FNBP1L: variants seen among roughly 807,000 people sequenced by gnomAD.
The protein encoded by FNBP1L is formin-binding protein 1-like.
FNBP1L carries 36 observed loss-of-function variants against 91.2 expected under a neutral mutation model. The observed-to-expected ratio is 0.39, with a 90% CI of 0.30 to 0.52. FNBP1L has a LOEUF of 0.52. FNBP1L is among the 20% of genes least tolerant of loss of function. The pLI is 0.66. For missense variants in FNBP1L, 571 were observed against 732.1 expected (o/e 0.78, Z 2.54); for synonymous variants, 242 against 237.0 (o/e 1.02, Z -0.19).
At chr1:93,465,331 C>T (rs1034659436) in intron 1 of FNBP1L, among the ~76,000 whole-genome samples, 5 of 152,086 alleles carry the variant, frequency 3.3e-5, no homozygotes, top group African/African-American at 7.2e-5. Flanking sequence ...TTATGTATTT[C>T]TCCTAATGCT....
In FNBP1L at chr1:93,448,221, A is replaced by G. The variant is rs913150019; in HGVS notation, c.-61A>G. The stretch of plus-strand genomic sequence containing the variant: ...CCGGCCAGCGAGTGAGAGGTCGGAC[A>G]GACTGTGGAGCCGACAGACTGAAGG... On this transcript the variant is annotated 5_prime_UTR_variant, in exon 1 of 17. Coordinates refer to ENST00000271234, the MANE Select transcript of FNBP1L (RefSeq NM_001164473.3). The G allele has an allele frequency of 2.0e-6, 3 of 1,517,134 alleles. No homozygotes were observed. Among genetic ancestry groups the G allele is most frequent in the African/African-American group, 1.4e-5 (1 of 69,094 alleles). 94.0% of individuals were successfully genotyped at this position (1,517,134 alleles called of 1,614,324 possible).
At chr1:93,552,085 T>C (rs1672432654) in intron 16 of FNBP1L, 1 of 1,090,306 alleles carries the variant, frequency 9.2e-7, no homozygotes, top group Non-Finnish European at 1.1e-6. Flanking sequence ...CATTTTGTTA[T>C]TTCCGCTGAA....
At chr1:93,494,446 A>G (rs534528703) in intron 1 of FNBP1L, among the ~76,000 whole-genome samples, 84 of 152,318 alleles carry the variant, frequency 5.5e-4, no homozygotes, top group Non-Finnish European at 8.7e-4. Context: ...GATTAAATTC[A>G]GTCTCCATCC....
intron 2 of FNBP1L, among the ~76,000 whole-genome samples, chr1:93,516,275 G>T (rs1469948822): frequency 2.0e-5 from 3 of 152,148 alleles, no homozygotes; most frequent in Non-Finnish European, 4.4e-5. Flanking sequence ...AAACATCCTG[G>T]AAGGGGGCAC....
intron 5 of FNBP1L, among the ~76,000 whole-genome samples, chr1:93,528,360 A>T (rs1216597344): frequency 6.6e-6 from 1 of 152,226 alleles, no homozygotes; most frequent in Non-Finnish European, 1.5e-5. Flanking sequence ...CAGGAATCAG[A>T]ATGGAATAGA....
chr1:93,499,491 G>A lies in FNBP1L; in HGVS notation c.48G>A (p.Lys16=), dbSNP rs539879576. ...AGGATCAGTTCGACAGCTTAGACAA[G>A]CATACACAATGGGGAATTGACTTCT... is the stretch of plus-strand genomic sequence containing the variant. ...ELWDQFDSLD[K]HTQWGIDFLE... Residue 16 remains lysine (K), a synonymous_variant, in exon 2 of 17, where the codon AAG becomes AAA. Coordinates refer to ENST00000271234, the MANE Select transcript of FNBP1L (RefSeq NM_001164473.3). 13 of 1,601,282 alleles carry A rather than the reference G, an allele frequency of 8.1e-6. No homozygotes were observed. Among genetic ancestry groups the A allele is most frequent in the African/African-American group, 8.0e-5 (6 of 74,796 alleles).
In FNBP1L at chr1:93,516,185, CA is replaced by C. The variant is rs897946959; in HGVS notation, c.141-5895del. ...TTGTGGGATTAAAGGAGTACTGTGT[CA>C]AGGGGGAAAAAAAAAAGTTTTCTCA... On this transcript the variant is annotated intron_variant, in intron 2 of 16. Transcript: ENST00000271234. Among the ~76,000 whole-genome samples, 348 of 147,260 alleles carry C rather than the reference CA, an allele frequency of 2.4e-3. 12 individuals carry two copies. The highest frequency in any genetic ancestry group is 2.0e-3 in the Admixed American group (29 of 14,786).
chr1:93,481,428 CAA>C, intron 1 of FNBP1L, among the ~76,000 whole-genome samples: 1 of 152,136 alleles, frequency 6.6e-6, no homozygotes, highest in Middle Eastern at 3.4e-3. Flanking sequence ...GAAAGGAAAA[CAA>C]TATTGATGTC....
chr1:93,490,025 A>G (rs1448812604), intron 1 of FNBP1L, among the ~76,000 whole-genome samples: 1 of 152,244 alleles, frequency 6.6e-6, no homozygotes, highest in Admixed American at 6.5e-5. Context: ...TGAAGAAAGT[A>G]TTTTTAAAAT....
intron 1 of FNBP1L, among the ~76,000 whole-genome samples, chr1:93,494,620 TC>T (rs1259127611): frequency 6.6e-6 from 1 of 152,124 alleles, no homozygotes; most frequent in Non-Finnish European, 1.5e-5. Context: ...CAAAAGATGC[TC>T]CTCTTACCCC....
intron 2 of FNBP1L, among the ~76,000 whole-genome samples, chr1:93,504,215 G>GA (rs1166255694): frequency 6.6e-6 from 1 of 152,192 alleles, no homozygotes; most frequent in Non-Finnish European, 1.5e-5. Context: ...ACCACATGCT[G>GA]AACCTTTGAC....
intron 1 of FNBP1L, among the ~76,000 whole-genome samples, chr1:93,492,228 C>T (rs1404341722): frequency 6.6e-6 from 1 of 151,988 alleles, no homozygotes; most frequent in East Asian, 1.9e-4. Context: ...CCTGAAAGAG[C>T]TTGAAAAGTG....
intron 1 of FNBP1L, among the ~76,000 whole-genome samples, chr1:93,457,782 A>T (rs908409616): frequency 7.7e-5 from 11 of 142,832 alleles, no homozygotes; most frequent in African/African-American, 2.9e-4. Context: ...TATTTCATTT[A>T]TTATTATTAT....
chr1:93,454,852 A>T (rs1668604587), intron 1 of FNBP1L, among the ~76,000 whole-genome samples: 1 of 152,196 alleles, frequency 6.6e-6, no homozygotes, highest in Non-Finnish European at 1.5e-5. Flanking sequence ...GACTTAAAAT[A>T]TATGGGACGA....
chr1:93,518,271 G>A (rs1671200645), intron 2 of FNBP1L, among the ~76,000 whole-genome samples: 2 of 152,180 alleles, frequency 1.3e-5, no homozygotes, highest in African/African-American at 4.8e-5. Flanking sequence ...CTAGAGCTCA[G>A]TGATGAAGTT....
At chr1:93,530,023 A>G in intron 6 of FNBP1L, among the ~76,000 whole-genome samples, 1 of 152,190 alleles carries the variant, frequency 6.6e-6, no homozygotes, top group East Asian at 1.9e-4. Context: ...GCCTATTCCA[A>G]AATAGGTTAG....
intron 7 of FNBP1L, among the ~76,000 whole-genome samples, chr1:93,532,706 T>C (rs1174366915): frequency 6.6e-6 from 1 of 152,136 alleles, no homozygotes; most frequent in Non-Finnish European, 1.5e-5. Context: ...AGGAAAACAA[T>C]ACTAAGTGCC....
chr1:93,466,761 G>A (rs1669094053), intron 1 of FNBP1L, among the ~76,000 whole-genome samples: 1 of 152,084 alleles, frequency 6.6e-6, no homozygotes, highest in Non-Finnish European at 1.5e-5. Context: ...AGCTTGATGG[G>A]GATGGCATTG....
At chr1:93,494,989 G>A (rs980432492) in intron 1 of FNBP1L, among the ~76,000 whole-genome samples, 7 of 150,686 alleles carry the variant, frequency 4.6e-5, no homozygotes, top group Admixed American at 2.7e-4. Context: ...GTTACCTCCC[G>A]TGAAGTCCAT....
Sources: gnomAD v4.1 joint callset for allele counts (sites outside exome capture counted in the v4.1 genomes callset) on GRCh38, gnomAD v4.1.1 for gene constraint, MANE v1.5 for transcripts, NCBI Gene and HGNC (gene_info 2026-07-23, HGNC 2026-07-21) for gene names.